Variants in UCHL1 observed in about 807,000 individuals in gnomAD.
UCHL1 encodes the protein ubiquitin carboxyl-terminal hydrolase isozyme L1.
In UCHL1, 5 loss-of-function variants were observed where a neutral mutation model predicts 33.3. That is an observed-to-expected ratio of 0.15 (90% CI 0.08 to 0.32). The LOEUF is 0.32. Ranked by LOEUF, UCHL1 falls within the 10% of genes least tolerant of loss-of-function variation. The pLI, the probability that UCHL1 is intolerant of heterozygous loss-of-function variation, is 1.00. For missense variants in UCHL1, 236 were observed against 280.0 expected, an observed-to-expected ratio of 0.84 and a Z score of 1.12; for synonymous variants, 132 against 108.8, an observed-to-expected ratio of 1.21 and a Z score of -1.33.
In UCHL1 at chr4:41,257,711, C is replaced by T. The variant is rs757635849; in HGVS notation, c.148C>T (p.Leu50=). 6.3e-7 allele frequency: 1 copy of T among 1,581,632 alleles called. No individual in the cohort carries two copies. The highest frequency in any genetic ancestry group is 2.3e-5 in the East Asian group (1 of 43,308). ...GGTGCCAGCGCCTGCCTGCGCGCTGCTGCTGCTGTTTCCCCTCACGGCCCA... is the reference window on the plus strand; with the variant it reads ...GGTGCCAGCGCCTGCCTGCGCGCTGTTGCTGCTGTTTCCCCTCACGGCCCA... ...GSVPAPACAL[L]LLFPLTAQHE... Residue 50 remains leucine (L), a synonymous_variant, in exon 3 of 9, where the codon CTG becomes TTG. Coordinates refer to ENST00000284440, the MANE Select transcript of UCHL1 (RefSeq NM_004181.5).
intron 8 of UCHL1, among the ~76,000 whole-genome samples, chr4:41,267,369 A>G (rs545975958): frequency 1.7e-4 from 26 of 152,182 alleles, no homozygotes; most frequent in African/African-American, 6.3e-4. Flanking sequence ...TTAGCCTCTC[A>G]GAGTAGCTGT....
chr4:41,267,375 G>C (rs1317627483), intron 8 of UCHL1, among the ~76,000 whole-genome samples: 2 of 152,150 alleles, frequency 1.3e-5, no homozygotes, highest in Admixed American at 1.3e-4. Context: ...TCTCAGAGTA[G>C]CTGTGACTGC....
rs1244604352 is a variant in UCHL1, at chr4:41,260,724, G to C, written c.252G>C (p.Gln84His). Residue 84 changes from glutamine (Q) to histidine (H), a missense_variant, in exon 4 of 9, where the codon CAG becomes CAC. Physicochemically the swap from Gln to His is conservative, Grantham distance 24. Transcript: ENST00000284440. ...EVSPKVYFMK[Q>H]TIGNSCGTIG... The stretch of plus-strand genomic sequence containing the variant: ...GTCCTAAAGTGTACTTCATGAAGCA[G>C]ACCATTGGGAATTCCTGTGGCACAA... 3.7e-6 allele frequency: 6 copies of C among 1,614,106 alleles called. No homozygotes were observed. The highest frequency in any genetic ancestry group is 5.1e-6 in the Non-Finnish European group (6 of 1,180,046).
chr4:41,257,304 C>A, intron 2 of UCHL1, 178 bp downstream of exon 2: 1 of 1,121,168 alleles, frequency 8.9e-7, no homozygotes, highest in Non-Finnish European at 1.2e-6. Context: ...GGTGACTCTA[C>A]GAAACCGGTC....
intron 8 of UCHL1, among the ~76,000 whole-genome samples, chr4:41,265,528 G>A (rs1252082509): frequency 1.3e-5 from 2 of 152,140 alleles, no homozygotes; most frequent in Admixed American, 6.5e-5. Context: ...GCAGTGAGCC[G>A]AGATTGCACC....
rs200302762 is a variant in UCHL1 at position 41,256,966 on chromosome 4, G to C, written c.-11G>C. 1.2e-6 allele frequency: 2 copies of C among 1,614,038 alleles called. No homozygotes were observed. The highest frequency in any genetic ancestry group is 2.7e-5 in the African/African-American group (2 of 74,948). ...CTTCCCTAGGCTATTTCTGCCGGGC[G>C]CTCCGCGAAGATGCAGCTCAAGCCG... On this transcript the variant is annotated 5_prime_UTR_variant, in exon 1 of 9. Coordinates refer to ENST00000284440, the MANE Select transcript of UCHL1 (RefSeq NM_004181.5).
intron 8 of UCHL1, among the ~76,000 whole-genome samples, chr4:41,264,652 C>T (rs948923217): frequency 3.9e-5 from 6 of 152,130 alleles, no homozygotes; most frequent in African/African-American, 1.4e-4. Context: ...TTAAAATCCA[C>T]CTGACAAAAA....
Position 41,257,684 on chromosome 4 carries a change from T to A in UCHL1, c.121T>A (p.Ser41Thr). The A allele has an allele frequency of 6.3e-7, 1 of 1,576,340 alleles. No homozygotes were observed. Among genetic ancestry groups the A allele is most frequent in the Non-Finnish European group, 8.6e-7 (1 of 1,164,486 alleles). ...GGGGCTGGAAGAGGAGTCTCTGGGC[T>A]CGGTGCCAGCGCCTGCCTGCGCGCT... ...VLGLEEESLG[S>T]VPAPACALLL... Residue 41 changes from serine to threonine, a missense_variant, in exon 3 of 9, where the codon TCG (serine) becomes ACG (threonine). Coordinates refer to ENST00000284440, the MANE Select transcript of UCHL1 (RefSeq NM_004181.5).
At chr4:41,257,242 G>C in intron 2 of UCHL1, 116 bp downstream of exon 2, 1 of 1,515,552 alleles carries the variant, frequency 6.6e-7, no homozygotes, top group Non-Finnish European at 8.9e-7. Context: ...CACCGGAGAC[G>C]GCCGGGCTGG....
intron 2 of UCHL1, 125 bp from the exon 3 acceptor site, chr4:41,257,484 G>A: frequency 1.6e-6 from 2 of 1,277,096 alleles, no homozygotes; most frequent in Non-Finnish European, 2.0e-6. Flanking sequence ...GGCAGGGCGG[G>A]ACTGGGGCTC....
chr4:41,268,206 C>A lies in UCHL1; in HGVS notation c.*133C>A. On this transcript the variant is annotated 3_prime_UTR_variant, in exon 9 of 9. Coordinates refer to ENST00000284440, the MANE Select transcript of UCHL1 (RefSeq NM_004181.5). The stretch of plus-strand genomic sequence containing the variant: ...CTTCTGTTCTGCAGACACGCCTTCC[C>A]CTCAGCCACACCCAGGCACTTAAGC... 1 of 854,820 alleles carries A rather than the reference C, an allele frequency of 1.2e-6. No homozygotes were observed. The highest frequency in any genetic ancestry group is 1.9e-6 in the Non-Finnish European group (1 of 526,224). The allele number at this position is 854,820 out of a possible 1,614,324, so 53.0% of individuals were successfully genotyped here.
chr4:41,265,877 G>A (rs765762853), intron 8 of UCHL1, among the ~76,000 whole-genome samples: 1 of 152,228 alleles, frequency 6.6e-6, no homozygotes, highest in Non-Finnish European at 1.5e-5. Flanking sequence ...AGGGTTTCAT[G>A]AGAGTCAGAA....
intron 7 of UCHL1, among the ~76,000 whole-genome samples, chr4:41,263,847 G>C (rs1405528908): frequency 2.0e-5 from 3 of 152,204 alleles, no homozygotes; most frequent in Admixed American, 6.5e-5. Flanking sequence ...CTTTCCAAGG[G>C]TTGGGGCACA....
chr4:41,258,586 C>T (rs1049975772), intron 3 of UCHL1, among the ~76,000 whole-genome samples: 1 of 152,196 alleles, frequency 6.6e-6, no homozygotes, highest in Admixed American at 6.5e-5. Context: ...ATTGTCTTAT[C>T]TCCTATTGCT....
chr4:41,261,786 T>C lies in UCHL1; in HGVS notation c.397T>C (p.Phe133Leu), dbSNP rs777973619. 7 of 1,614,176 alleles carry C rather than the reference T, an allele frequency of 4.3e-6. No individual in the cohort carries two copies. The highest frequency in any genetic ancestry group is 5.9e-6 in the Non-Finnish European group (7 of 1,180,036). The change falls in exon 5 of 9, where the codon TTT becomes CTT. Residue 133 changes from phenylalanine to leucine, a missense_variant. By Grantham distance (22) the Phe-to-Leu change is conservative (BLOSUM62 0). Transcript: ENST00000284440. ...GTCCCCTGAAGACAGAGCAAAATGC[T>C]TTGAAAAGAATGAGGTAAGAGAACT... ...KMSPEDRAKC[F>L]EKNEAIQAAH... is the part of the protein sequence containing the mutation.
chr4:41,266,852 T>A (rs1005200220), intron 8 of UCHL1, among the ~76,000 whole-genome samples: 1 of 152,150 alleles, frequency 6.6e-6, no homozygotes, highest in African/African-American at 2.4e-5. Flanking sequence ...AGTCATCCGC[T>A]GCCTCAGCTT....
In UCHL1 at chr4:41,260,815, G is replaced by T; in HGVS notation, c.325+18G>T. 6.2e-7 allele frequency: 1 copy of T among 1,614,068 alleles called. No individual in the cohort carries two copies. Among genetic ancestry groups the T allele is most frequent in the Non-Finnish European group, 8.5e-7 (1 of 1,179,982 alleles). The stretch of plus-strand genomic sequence containing the variant: ...GGGATTTGGTAGGTGTGGGTTTTGA[G>T]GCCAGCCATCCTAAGCTTGAACTTG... On this transcript the variant is annotated intron_variant, in intron 4 of 8. Coordinates refer to ENST00000284440, the MANE Select transcript of UCHL1 (RefSeq NM_004181.5).
rs1359739192 is a variant in UCHL1, at chr4:41,263,260, T to A, written c.495T>A (p.Phe165Leu). The A allele has an allele frequency of 2.5e-6, 4 of 1,614,054 alleles. No homozygotes were observed. The Admixed American group carries it at 6.7e-5, about 27-fold the overall frequency. ...AGGTGAATTTCCATTTTATTCTGTT[T>A]AACAACGTGGATGGCCACCTCTATG... ...DDKVNFHFIL[F>L]NNVDGHLYEL... Residue 165 changes from phenylalanine (F) to leucine (L), a missense_variant, in exon 7 of 9, where the codon TTT becomes TTA. By Grantham distance (22) the Phe-to-Leu change is conservative. Coordinates refer to ENST00000284440, the MANE Select transcript of UCHL1 (RefSeq NM_004181.5).
chr4:41,263,210 C>T lies in UCHL1; in HGVS notation c.460-15C>T, dbSNP rs1339536071. 1.2e-6 allele frequency: 2 copies of T among 1,611,596 alleles called. No individual in the cohort carries two copies. Among genetic ancestry groups the T allele is most frequent in the Admixed American group, 1.7e-5 (1 of 59,984 alleles). On this transcript the variant is annotated splice_polypyrimidine_tract_variant and intron_variant, in intron 6 of 8. Coordinates refer to ENST00000284440, the MANE Select transcript of UCHL1 (RefSeq NM_004181.5). ...AGCTTACACTCATTTTCAAAAATTT[C>T]TTGACTTTCTTTAGGTAGATGACAA... is the stretch of plus-strand genomic sequence containing the variant.
Sources: allele counts gnomAD v4.1 joint callset (sites outside exome capture counted in the v4.1 genomes callset), GRCh38; gene constraint gnomAD v4.1.1; transcripts MANE v1.5; gene names NCBI Gene and HGNC (gene_info 2026-07-23, HGNC 2026-07-21).